Variants in PCGF3 observed in about 807,000 individuals in gnomAD.
PCGF3 encodes the protein polycomb group RING finger protein 3.
Under a neutral mutation model 33.1 loss-of-function variants are expected in PCGF3, and 7 were observed. The ratio of observed to expected loss-of-function variants is 0.21; its 90% CI spans 0.12 to 0.40. The LOEUF is 0.40. Among genes scored for constraint, PCGF3 ranks in the 10% least tolerant of loss-of-function variants. The pLI is 1.00. For missense variants in PCGF3, 211 were observed against 313.3 expected (o/e 0.67, Z 2.46); for synonymous variants, 153 against 121.3 (o/e 1.26, Z -1.72).
rs1458393986 is a variant in PCGF3, at chr4:720,791, G to A, written c.-189-9839G>A. Among the ~76,000 whole-genome samples, 5 of 152,142 alleles carry A rather than the reference G, an allele frequency of 3.3e-5. No individual in the cohort carries two copies. The highest frequency in any genetic ancestry group is 5.9e-5 in the Non-Finnish European group (4 of 68,016). On this transcript the variant is annotated intron_variant, in intron 1 of 10. Transcript: ENST00000362003. The surrounding 1 kb of genome is among the most constrained non-coding windows in gnomAD (Gnocchi z 5.6). ...ATGGATGTGGTTCCGACGTGACTGC[G>A]CTGGCATGGGAAGCAGAGGGTGAGG...
chr4:761,346 C>A lies in PCGF3; in HGVS notation c.530C>A (p.Ser177Ter). Residue 177 changes from serine (S) to a stop codon, truncating the protein, a stop_gained, in exon 9 of 11, where the codon TCA becomes TAA. Transcript: ENST00000362003. LOFTEE classifies it high-confidence loss of function. ...CTGAAGCGGAAGTGGATCCGCTGCT[C>A]AGCCCAGGCGACCGTCTTGCATCTG... The A allele has an allele frequency of 6.2e-7, 1 of 1,611,672 alleles. No individual in the cohort carries two copies. Among genetic ancestry groups the A allele is most frequent in the South Asian group, 1.1e-5 (1 of 90,640 alleles).
intron 1 of PCGF3, among the ~76,000 whole-genome samples, chr4:712,561 C>T (rs773984570): frequency 8.1e-4 from 124 of 152,330 alleles, no homozygotes; most frequent in Admixed American, 2.0e-3. Flanking sequence ...ATTCTCCTGC[C>T]TCAGCTCCCT....
intron 5 of PCGF3, among the ~76,000 whole-genome samples, chr4:736,730 G>A (rs371443936): frequency 3.2e-4 from 37 of 117,244 alleles, no homozygotes; most frequent in East Asian, 7.3e-4. Context: ...TCCCCTGAGC[G>A]CACGGGACGC....
intron 2 of PCGF3, 113 bp downstream of exon 2, chr4:730,781 G>A: frequency 8.1e-6 from 3 of 372,620 alleles, no homozygotes; most frequent in South Asian, 1.5e-4. Context: ...CCTCTGAAAC[G>A]CAGGCTCTGA....
intron 9 of PCGF3, chr4:762,187 G>T (rs1445938828): frequency 1.5e-6 from 1 of 678,356 alleles, no homozygotes; most frequent in African/African-American, 1.9e-5. Context: ...AAGGATCTTT[G>T]TAGATATAAT....
At chr4:763,139 C>T (rs987608391) in intron 9 of PCGF3, among the ~76,000 whole-genome samples, 7 of 151,342 alleles carry the variant, frequency 4.6e-5, no homozygotes, top group South Asian at 2.1e-4. Context: ...AGTCAGGACA[C>T]GGGGGGAAGG....
At chr4:722,932 C>T (rs1264872155) in intron 1 of PCGF3, among the ~76,000 whole-genome samples, 3 of 134,524 alleles carry the variant, frequency 2.2e-5, no homozygotes, top group Non-Finnish European at 3.2e-5. Flanking sequence ...CCATCCACGC[C>T]GGGTCCACAC....
At chr4:709,278 A>G (rs1340536014) in intron 1 of PCGF3, among the ~76,000 whole-genome samples, 4 of 151,774 alleles carry the variant, frequency 2.6e-5, no homozygotes, top group Admixed American at 1.3e-4. Flanking sequence ...TGAATGATGC[A>G]TGAACAAATG....
At chr4:768,324 G>T (rs561521894) in exon 11 of PCGF3, 1 of 152,566 alleles carries the variant, frequency 6.6e-6, no homozygotes, top group African/African-American at 2.4e-5. Context: ...AGCCTTAGTC[G>T]TTGGAGGCTG....
exon 11 of PCGF3, chr4:766,868 A>T (rs1007298264): frequency 1.3e-5 from 2 of 152,230 alleles, no homozygotes; most frequent in African/African-American, 4.8e-5. Flanking sequence ...AACAACTCTT[A>T]CTTTTAAAAA....
chr4:769,622 A>AGGAACGCGCC (rs1560226277), exon 11 of PCGF3: 1 of 151,288 alleles, frequency 6.6e-6, no homozygotes, highest in Non-Finnish European at 1.5e-5. Flanking sequence ...AAGGCCCTGC[A>AGGAACGCGCC]GGAACGCGCC....
exon 11 of PCGF3, chr4:767,852 A>G (rs1225929810): frequency 1.3e-5 from 2 of 152,652 alleles, no homozygotes; most frequent in Middle Eastern, 3.2e-3. Flanking sequence ...AATAAATATT[A>G]CCTGTCTACC....
chr4:755,348 G>A (rs79911023), intron 8 of PCGF3, among the ~76,000 whole-genome samples: 13 of 152,190 alleles, frequency 8.5e-5, no homozygotes, highest in South Asian at 8.3e-4. Context: ...GCGACTCATC[G>A]CACGTCTCTG....
At chr4:730,121 G>A (rs1042423951) in intron 1 of PCGF3, among the ~76,000 whole-genome samples, 2 of 151,754 alleles carry the variant, frequency 1.3e-5, no homozygotes, top group Admixed American at 6.6e-5. Context: ...CAGTGCCCAC[G>A]CCGGGGCCCT....
chr4:729,616 A>T (rs1743469823), intron 1 of PCGF3, among the ~76,000 whole-genome samples: 1 of 151,720 alleles, frequency 6.6e-6, no homozygotes, highest in Admixed American at 6.6e-5. Context: ...CTTCTCCCTA[A>T]CTCAAGTGCC....
chr4:734,068 T>C, intron 4 of PCGF3: 1 of 1,550,750 alleles, frequency 6.4e-7, no homozygotes, highest in Non-Finnish European at 8.7e-7. Context: ...CAGTAGCCGC[T>C]GTGACAGTGC....
chr4:750,220 C>G (rs961318563), intron 8 of PCGF3, among the ~76,000 whole-genome samples: 1 of 152,248 alleles, frequency 6.6e-6, no homozygotes, highest in Non-Finnish European at 1.5e-5. Flanking sequence ...GTAATTTCAT[C>G]AGAGTTCCTT....
chr4:720,007 G>A lies in PCGF3; in HGVS notation c.-189-10623G>A, dbSNP rs565720924. Among the ~76,000 whole-genome samples, 4 of 152,322 alleles carry A rather than the reference G, an allele frequency of 2.6e-5. No individual in the cohort carries two copies. The South Asian group carries it at 8.3e-4, about 32-fold the overall frequency. On this transcript the variant is annotated intron_variant, in intron 1 of 10. Coordinates refer to ENST00000362003, the Ensembl canonical transcript of PCGF3. This position sits in a 1 kb window ranked among gnomAD's most constrained non-coding sequence, Gnocchi z 5.6. ...AATGTTGGGCTGGGGGCATCTGTGG[G>A]GCCAGTTGCAGCAGTTTGGTCATTT...
At chr4:754,436 G>A (rs555778525) in intron 8 of PCGF3, among the ~76,000 whole-genome samples, 67 of 152,230 alleles carry the variant, frequency 4.4e-4, no homozygotes, top group Non-Finnish European at 8.5e-4. Context: ...AGCCGGCGTG[G>A]TGAGGGTTGG....
Sources: allele counts gnomAD v4.1 joint callset (sites outside exome capture counted in the v4.1 genomes callset), GRCh38; gene constraint gnomAD v4.1.1; non-coding constraint Gnocchi (gnomAD v3.1); transcripts MANE v1.5; gene names NCBI Gene and HGNC (gene_info 2026-07-23, HGNC 2026-07-21).